The following THBS2 variants were observed in gnomAD, a reference collection of about 807,000 sequenced individuals.
THBS2 encodes the protein thrombospondin 2.
In THBS2, 47 loss-of-function variants were observed where a neutral mutation model predicts 135.2. The ratio of observed to expected loss-of-function variants is 0.35; its 90% CI spans 0.28 to 0.44. The LOEUF (loss-of-function observed/expected upper bound fraction) is 0.44, where lower values mean the gene tolerates loss of function less well. Ranked by LOEUF, THBS2 falls within the 20% of genes least tolerant of loss-of-function variation. The pLI is 1.00. For synonymous variants in THBS2, 639 were observed against 633.8 expected (o/e 1.01, Z -0.12); for missense variants, 1,288 against 1,603.1 (o/e 0.80, Z 3.36).
intron 1 of THBS2, among the ~76,000 whole-genome samples, chr6:169,251,788 GCTT>G (rs1780759935): frequency 6.6e-6 from 1 of 152,032 alleles, no homozygotes; most frequent in Non-Finnish European, 1.5e-5. Context: ...GAAGAGAAAT[GCTT>G]GGCAGCACCT....
rs760307669 is a variant in THBS2 at position 169,250,686 on chromosome 6, C to G, written c.52+47G>C. On this transcript the variant is annotated intron_variant, in intron 2 of 21. Transcript: ENST00000617924. ...GTCATCTCTCCCCTTGCAGCTAAGC[C>G]ATATCTCACAAGCCAGAGAGAGACC... The G allele has an allele frequency of 3.8e-6, 6 of 1,570,510 alleles. No homozygotes were observed. In the African/African-American group the frequency reaches 6.7e-5, roughly 18 times the overall value.
intron 4 of THBS2, among the ~76,000 whole-genome samples, chr6:169,242,941 T>C (rs1449422521): frequency 1.1e-5 from 1 of 88,558 alleles, no homozygotes. Context: ...CCTTCCCACC[T>C]TCCCACCTTC....
At position 169,232,804 on chromosome 6, in the gene THBS2, G is replaced by T; in HGVS notation, c.1792C>A (p.Pro598Thr). 1 of 1,613,516 alleles carries T rather than the reference G, an allele frequency of 6.2e-7. No homozygotes were observed. Among genetic ancestry groups the T allele is most frequent in the Non-Finnish European group, 8.5e-7 (1 of 1,179,726 alleles). The change falls in exon 12 of 22, where the codon CCC (proline) becomes ACC (threonine). Residue 598 changes from proline (P) to threonine (T), a missense_variant. This residue lies in a region of THBS2 where 874 missense variants were observed against 1,156.1 expected (regional missense o/e 0.76). Coordinates refer to ENST00000617924, the MANE Select transcript of THBS2 (RefSeq NM_003247.5). Reference sequence around the variant, plus strand: ...TTGCTGGTGGAGAAGCAGATGTCGGGGACCAGGGCACACTGCGGGGACAAG... The same window carrying T: ...TTGCTGGTGGAGAAGCAGATGTCGGTGACCAGGGCACACTGCGGGGACAAG... ...CEDLDECALV[P>T]DICFSTSKVP...
At chr6:169,242,083 G>A (rs550518970) in intron 4 of THBS2, 125 bp from the exon 5 acceptor site, 42 of 1,072,338 alleles carry the variant, frequency 3.9e-5, no homozygotes, top group Middle Eastern at 3.0e-4. Flanking sequence ...GACACAAGGC[G>A]GAGGACTGGG....
intron 6 of THBS2, 90 bp from the exon 7 acceptor site, chr6:169,239,785 G>A: frequency 1.0e-6 from 1 of 975,468 alleles, no homozygotes; most frequent in Non-Finnish European, 1.6e-6. Flanking sequence ...TCGACAGAAT[G>A]GCTGAATGTT....
At chr6:169,250,285 T>G (rs1780709177) in intron 2 of THBS2, among the ~76,000 whole-genome samples, 1 of 152,212 alleles carries the variant, frequency 6.6e-6, no homozygotes. Context: ...GTGTCATCAT[T>G]TATGCTAATG....
At chr6:169,219,243 T>C (rs1271569729) in intron 21 of THBS2, among the ~76,000 whole-genome samples, 1 of 117,182 alleles carries the variant, frequency 8.5e-6, no homozygotes, top group African/African-American at 3.5e-5. Flanking sequence ...GTGGATGGAT[T>C]AGATGGATAG....
chr6:169,219,375 G>T lies in THBS2; in HGVS notation c.3511+823C>A, dbSNP rs185652058. Among the ~76,000 whole-genome samples the T allele has an allele frequency of 4.6e-3, 705 of 151,700 alleles. 5 individuals are homozygous for T. Among genetic ancestry groups the T allele is most frequent in the Non-Finnish European group, 4.1e-3 (276 of 67,902 alleles). On this transcript the variant is annotated intron_variant, in intron 21 of 21. Coordinates refer to ENST00000617924, the MANE Select transcript of THBS2 (RefSeq NM_003247.5). Reference sequence around the variant, plus strand: ...GGATGGTTGGGTGAATGGATGAGATGGGTGGATGAATGGATGGATGGATGG... The same window carrying T: ...GGATGGTTGGGTGAATGGATGAGATTGGTGGATGAATGGATGGATGGATGG...
chr6:169,245,147 C>T (rs888014996), intron 4 of THBS2, among the ~76,000 whole-genome samples: 8 of 152,196 alleles, frequency 5.3e-5, no homozygotes, highest in Non-Finnish European at 8.8e-5. Flanking sequence ...CAGACGTGAG[C>T]TCCGCTTTGA....
intron 15 of THBS2, among the ~76,000 whole-genome samples, 193 bp from the exon 16 acceptor site, chr6:169,226,491 C>A (rs1779635790): frequency 6.6e-6 from 1 of 152,202 alleles, no homozygotes; most frequent in Non-Finnish European, 1.5e-5. Flanking sequence ...TGACATATTT[C>A]ATTACAGTTC....
chr6:169,225,541 C>T (rs878865607), intron 16 of THBS2, among the ~76,000 whole-genome samples, 162 bp from the exon 17 acceptor site: 2 of 152,204 alleles, frequency 1.3e-5, no homozygotes, highest in South Asian at 4.1e-4. Context: ...ACCCTGACGT[C>T]AGGACAAGCA....
At chr6:169,221,319 G>T in intron 20 of THBS2, 111 bp downstream of exon 20, 1 of 944,654 alleles carries the variant, frequency 1.1e-6, no homozygotes, top group Non-Finnish European at 1.7e-6. Context: ...AGAATCCAGA[G>T]TAAAACAAAA....
intron 10 of THBS2, among the ~76,000 whole-genome samples, chr6:169,233,881 T>TACATGTATGGTCTGGA (rs1779941289): frequency 6.9e-6 from 1 of 144,090 alleles, no homozygotes; most frequent in Non-Finnish European, 1.5e-5. Flanking sequence ...CACAACTACC[T>TACATGTATGGTCTGGA]ACATGCCACA....
At chr6:169,239,107 C>G (rs992941546) in intron 7 of THBS2, 1 of 153,736 alleles carries the variant, frequency 6.5e-6, no homozygotes, top group South Asian at 2.0e-4. Context: ...GGTGCCCACA[C>G]GTGGTTCCTC....
intron 4 of THBS2, among the ~76,000 whole-genome samples, chr6:169,242,925 C>T (rs1011436187): frequency 3.4e-5 from 1 of 29,792 alleles, no homozygotes; most frequent in African/African-American, 2.1e-4. Flanking sequence ...CTTCCCACCA[C>T]TCCCACCTTC....
chr6:169,217,602 T>C lies in THBS2; in HGVS notation c.*220A>G. The C allele has an allele frequency of 2.1e-6, 1 of 487,786 alleles. No individual in the cohort carries two copies. The highest frequency in any genetic ancestry group is 3.2e-5 in the East Asian group (1 of 30,934). 30.2% of individuals were successfully genotyped at this position (487,786 alleles called of 1,614,324 possible). A position where few individuals can be genotyped will look rare whatever the true frequency, so the allele number is the denominator to read the frequency against. The stretch of plus-strand genomic sequence containing the variant: ...AGTCTCATATATCACCAAACTGGTT[T>C]CCTCTAGTGGGTTAGATGTTCATCT... On this transcript the variant is annotated 3_prime_UTR_variant, in exon 22 of 22. Coordinates refer to ENST00000617924, the MANE Select transcript of THBS2 (RefSeq NM_003247.5).
rs1302690720 is a variant in THBS2 at position 169,253,762 on chromosome 6, T to G, written c.-61A>C. On this transcript the variant is annotated 5_prime_UTR_variant, in exon 1 of 22. Transcript: ENST00000617924. Reference sequence around the variant, plus strand: ...AAGATGCAGTGATGACTGGTTTCAGTGTTCCGGACCGAGTCAGAAAGGCGC... The same window carrying G: ...AAGATGCAGTGATGACTGGTTTCAGGGTTCCGGACCGAGTCAGAAAGGCGC... 1.3e-5 allele frequency: 2 copies of G among 152,254 alleles called. No homozygotes were observed. Among genetic ancestry groups the G allele is most frequent in the African/African-American group, 4.8e-5 (2 of 41,468 alleles). The allele number at this position is 152,254 out of a possible 1,614,324, so 9.4% of individuals were successfully genotyped here.
At chr6:169,245,608 C>T (rs373928807) in intron 4 of THBS2, among the ~76,000 whole-genome samples, 138 of 152,036 alleles carry the variant, frequency 9.1e-4, no homozygotes, top group South Asian at 6.4e-3. Context: ...TTGGCTAACA[C>T]GCTGAAACCC....
chr6:169,228,592 G>T (rs561857092), intron 14 of THBS2, among the ~76,000 whole-genome samples: 1 of 151,744 alleles, frequency 6.6e-6, no homozygotes, highest in Non-Finnish European at 1.5e-5. Flanking sequence ...GACCAGGGCC[G>T]GGCGCAGTGG....
Sources: allele counts gnomAD v4.1 joint callset (sites outside exome capture counted in the v4.1 genomes callset), GRCh38; gene constraint gnomAD v4.1.1; regional missense constraint gnomAD v4.1.1; transcripts MANE v1.5; gene names NCBI Gene and HGNC (gene_info 2026-07-23, HGNC 2026-07-21).